Variants in EYS observed in about 807,000 individuals in gnomAD.
EYS encodes the protein EGF-like photoreceptor maintenance factor.
A neutral mutation model predicts 282.1 loss-of-function variants in EYS; 250 were observed. That is an observed-to-expected ratio of 0.89 (90% CI 0.80 to 0.98). EYS has a LOEUF of 0.98. Among genes scored for constraint, EYS ranks in the 50% least tolerant of loss-of-function variants. The pLI is 0.00. For synonymous variants in EYS, 1,355 were observed against 1,282.9 expected, an observed-to-expected ratio of 1.06 and a Z score of -1.20; for missense variants, 4,016 against 3,709.0, an observed-to-expected ratio of 1.08 and a Z score of -2.15.
intron 2 of EYS, among the ~76,000 whole-genome samples, chr6:65,603,046 T>C (rs1765665516): frequency 1.3e-5 from 2 of 151,934 alleles, no homozygotes; most frequent in South Asian, 2.1e-4. Flanking sequence ...GAAATGTGGA[T>C]ACACTTGATA....
intron 26 of EYS, among the ~76,000 whole-genome samples, chr6:64,569,619 T>C (rs1230787568): frequency 1.3e-5 from 2 of 152,060 alleles, no homozygotes; most frequent in East Asian, 2.0e-4. Flanking sequence ...TGGGAACCTG[T>C]GGTCCCAGCT....
chr6:65,023,403 T>C (rs1303236373), intron 13 of EYS, among the ~76,000 whole-genome samples: 1 of 152,126 alleles, frequency 6.6e-6, no homozygotes, highest in African/African-American at 2.4e-5. Context: ...TATAAAGAGA[T>C]TTTTAATTTC....
chr6:63,808,265 C>G (rs944107719), intron 36 of EYS, among the ~76,000 whole-genome samples: 8 of 152,086 alleles, frequency 5.3e-5, no homozygotes, highest in African/African-American at 1.7e-4. Flanking sequence ...AACAGCATGT[C>G]ATACTCAGGG....
At chr6:65,470,008 C>A (rs16896687) in intron 5 of EYS, among the ~76,000 whole-genome samples, 360 of 152,136 alleles carry the variant, frequency 2.4e-3, no homozygotes, top group African/African-American at 8.3e-3. Context: ...AGATTAGATA[C>A]AAAATAATAC....
intron 41 of EYS, among the ~76,000 whole-genome samples, chr6:63,758,987 G>T (rs753833550): frequency 3.3e-5 from 5 of 151,950 alleles, no homozygotes; most frequent in Non-Finnish European, 5.9e-5. Context: ...AGAACGGGGG[G>T]CAGGGTATTT....
chr6:64,750,864 G>T (rs1009213973), intron 22 of EYS, among the ~76,000 whole-genome samples: 5 of 152,182 alleles, frequency 3.3e-5, no homozygotes, highest in Non-Finnish European at 7.3e-5. Context: ...GCTGAGAAAA[G>T]TAGGAGCCCC....
intron 28 of EYS, among the ~76,000 whole-genome samples, chr6:64,429,259 TTAAATTA>T (rs1774506822): frequency 6.6e-6 from 1 of 152,316 alleles, no homozygotes; most frequent in East Asian, 1.9e-4. Flanking sequence ...GTCCTACTTT[TTAAATTA>T]TTTTGTGTTT....
intron 30 of EYS, among the ~76,000 whole-genome samples, chr6:64,253,830 T>TC (rs71544344): frequency 1.3e-5 from 2 of 151,890 alleles, no homozygotes; most frequent in South Asian, 2.1e-4. Flanking sequence ...CATCTTTTCT[T>TC]CCCCCCAAAA....
intron 30 of EYS, among the ~76,000 whole-genome samples, chr6:64,286,522 C>T (rs891961959): frequency 6.6e-6 from 1 of 152,088 alleles, no homozygotes; most frequent in Non-Finnish European, 1.5e-5. Flanking sequence ...CAGTGATATC[C>T]TTAAAACAAG....
At chr6:65,541,292 G>A (rs1247029516) in intron 2 of EYS, among the ~76,000 whole-genome samples, 5 of 152,154 alleles carry the variant, frequency 3.3e-5, no homozygotes, top group Admixed American at 3.3e-4. Flanking sequence ...GATTAATAGT[G>A]TATAACCACT....
At chr6:65,399,923 C>T (rs1463618195) in intron 7 of EYS, among the ~76,000 whole-genome samples, 2 of 151,988 alleles carry the variant, frequency 1.3e-5, no homozygotes, top group East Asian at 3.9e-4. Flanking sequence ...TCCAGTTGCC[C>T]AATTACATGC....
intron 2 of EYS, among the ~76,000 whole-genome samples, chr6:65,567,260 T>C (rs758006373): frequency 6.0e-5 from 9 of 149,368 alleles, no homozygotes; most frequent in Non-Finnish European, 8.9e-5. Flanking sequence ...ATAATATATA[T>C]ATATACATAT....
At chr6:65,633,881 G>C (rs1767002818) in intron 2 of EYS, among the ~76,000 whole-genome samples, 1 of 152,224 alleles carries the variant, frequency 6.6e-6, no homozygotes, top group African/African-American at 2.4e-5. Flanking sequence ...GCAAAGGTAA[G>C]TAGTTGGGAG....
At chr6:65,586,693 A>G (rs187255756) in intron 2 of EYS, among the ~76,000 whole-genome samples, 1 of 152,272 alleles carries the variant, frequency 6.6e-6, no homozygotes, top group Admixed American at 6.6e-5. Flanking sequence ...TAATTTTGAT[A>G]GGAAAATATT....
intron 8 of EYS, among the ~76,000 whole-genome samples, chr6:65,370,654 A>G (rs573995742): frequency 3.3e-5 from 5 of 151,822 alleles, no homozygotes; most frequent in Admixed American, 6.7e-5. Flanking sequence ...ATCTTTTCCC[A>G]TGTTCTATGT....
chr6:65,596,569 G>A (rs1765409495), intron 2 of EYS, among the ~76,000 whole-genome samples: 1 of 151,958 alleles, frequency 6.6e-6, no homozygotes, highest in Admixed American at 6.6e-5. Context: ...TGAATTACTG[G>A]TTTTCATGTA....
At chr6:65,334,637 T>C (rs1217966751) in intron 11 of EYS, among the ~76,000 whole-genome samples, 1 of 151,848 alleles carries the variant, frequency 6.6e-6, no homozygotes, top group Admixed American at 6.6e-5. Context: ...GTTTGTTTTG[T>C]TGTTGTTTTT....
At chr6:64,646,808 G>C (rs374798509) in intron 22 of EYS, among the ~76,000 whole-genome samples, 167 of 105,992 alleles carry the variant, frequency 1.6e-3, no homozygotes, top group African/African-American at 5.5e-3. Flanking sequence ...CCAGCTAAAA[G>C]AAAAAAAAAA....
At chr6:65,326,893 G>A (rs1219183233) in intron 11 of EYS, among the ~76,000 whole-genome samples, 1 of 151,318 alleles carries the variant, frequency 6.6e-6, no homozygotes, top group Non-Finnish European at 1.5e-5. Flanking sequence ...ACAAAGATTT[G>A]TCAGTAGACC....
Sources: gnomAD v4.1 joint callset for allele counts (sites outside exome capture counted in the v4.1 genomes callset) on GRCh38, gnomAD v4.1.1 for gene constraint, MANE v1.5 for transcripts, NCBI Gene and HGNC (gene_info 2026-07-23, HGNC 2026-07-21) for gene names.